The following FHL5 variants were observed in gnomAD, a reference collection of about 807,000 sequenced individuals.
The protein encoded by FHL5 is four and a half LIM domains 5.
FHL5 carries 33 observed loss-of-function variants against 32.0 expected under a neutral mutation model. The observed-to-expected ratio is 1.03, with a 90% CI of 0.78 to 1.38. The LOEUF is 1.38. Ranked by LOEUF, FHL5 falls within the 40% of genes most tolerant of loss-of-function variation. The probability of loss-of-function intolerance (pLI) is 0.00; values close to 1 mark genes in which losing one functional copy is unlikely to be tolerated. For synonymous variants in FHL5, 114 were observed against 113.6 expected (o/e 1.00, Z -0.02); for missense variants, 336 against 343.9 (o/e 0.98, Z 0.18).
In FHL5 at chr6:96,606,011, C is replaced by CAATT; in HGVS notation, c.446_449dup (p.Tyr150Ter). ...AGCCTTTGATCTCCAAAGAGAGTGG[C>CAATT]AATTATTGTGTGCCATGTTTTGAGA... is the stretch of plus-strand genomic sequence containing the variant. On this transcript the variant is annotated frameshift_variant, in exon 4 of 6. Coordinates refer to ENST00000450218, the MANE Select transcript of FHL5 (RefSeq NM_001322466.2). LOFTEE classifies it high-confidence loss of function. 2 of 1,614,012 alleles carry CAATT rather than the reference C, an allele frequency of 1.2e-6. No homozygotes were observed. Among genetic ancestry groups the CAATT allele is most frequent in the Non-Finnish European group, 1.7e-6 (2 of 1,179,960 alleles).
At chr6:96,608,366 C>G (rs1370646933) in intron 4 of FHL5, among the ~76,000 whole-genome samples, 2 of 151,946 alleles carry the variant, frequency 1.3e-5, no homozygotes, top group East Asian at 3.9e-4. Flanking sequence ...TTATGACATG[C>G]CAGATTATTT....
At chr6:96,612,955 C>G (rs1230623353) in intron 5 of FHL5, among the ~76,000 whole-genome samples, 1 of 152,080 alleles carries the variant, frequency 6.6e-6, no homozygotes, top group East Asian at 1.9e-4. Flanking sequence ...ATTATTATGT[C>G]ACTTTAAAAG....
intron 1 of FHL5, among the ~76,000 whole-genome samples, chr6:96,563,952 T>G (rs1203773990): frequency 1.3e-5 from 2 of 152,174 alleles, no homozygotes; most frequent in Non-Finnish European, 2.9e-5. Context: ...AAATATATAA[T>G]AGACTATATC....
intron 1 of FHL5, among the ~76,000 whole-genome samples, chr6:96,583,459 T>C (rs755740592): frequency 2.0e-5 from 3 of 152,110 alleles, no homozygotes; most frequent in Non-Finnish European, 4.4e-5. Context: ...GTTAACATCA[T>C]AGATATCAAT....
At chr6:96,563,104 T>C (rs1219937685), upstream of FHL5, 2 of 152,152 alleles carry the variant, frequency 1.3e-5, no homozygotes, top group Non-Finnish European at 2.9e-5. Flanking sequence ...AAGTAAAAAT[T>C]GACAAATAGT....
chr6:96,615,591 T>C lies in FHL5; in HGVS notation c.692-18T>C. 3 of 1,582,226 alleles carry C rather than the reference T, an allele frequency of 1.9e-6. No individual in the cohort carries two copies. Among genetic ancestry groups the C allele is most frequent in the Non-Finnish European group, 2.6e-6 (3 of 1,163,298 alleles). On this transcript the variant is annotated intron_variant, in intron 5 of 5. Coordinates refer to ENST00000450218, the MANE Select transcript of FHL5 (RefSeq NM_001322466.2). ...CCTTGAAAGGATAGATTAATCTTTTTCTCCAATTCCTTTACAGGTCTCACA... is the reference window on the plus strand; with the variant it reads ...CCTTGAAAGGATAGATTAATCTTTTCCTCCAATTCCTTTACAGGTCTCACA...
chr6:96,591,462 A>G (rs548667249), intron 1 of FHL5, among the ~76,000 whole-genome samples: 38 of 152,228 alleles, frequency 2.5e-4, no homozygotes, highest in African/African-American at 8.9e-4. Flanking sequence ...CTTTTGCCCA[A>G]AGAACACTGT....
intron 1 of FHL5, among the ~76,000 whole-genome samples, chr6:96,603,326 T>A (rs951685931): frequency 6.6e-6 from 1 of 152,186 alleles, no homozygotes; most frequent in African/African-American, 2.4e-5. Context: ...CATTAGCTTA[T>A]GATAAACACA....
intron 1 of FHL5, among the ~76,000 whole-genome samples, chr6:96,576,785 G>A (rs1330430524): frequency 6.6e-6 from 1 of 152,208 alleles, no homozygotes; most frequent in Non-Finnish European, 1.5e-5. Context: ...GGACAAGAAA[G>A]GTCTCTGCTC....
chr6:96,597,883 T>C (rs993114050), intron 1 of FHL5, among the ~76,000 whole-genome samples: 5 of 152,192 alleles, frequency 3.3e-5, no homozygotes, highest in African/African-American at 4.8e-5. Context: ...AGCATTTTTA[T>C]CAGCCAAGTG....
chr6:96,592,574 TA>T (rs1247432665), intron 1 of FHL5, among the ~76,000 whole-genome samples: 1 of 152,092 alleles, frequency 6.6e-6, no homozygotes. Context: ...ATTAAGAGAT[TA>T]AAGTGAAAAC....
chr6:96,602,503 G>A (rs1480182504), intron 1 of FHL5, among the ~76,000 whole-genome samples: 1 of 121,434 alleles, frequency 8.2e-6, no homozygotes, highest in Non-Finnish European at 1.6e-5. Context: ...CTGGAGTGCA[G>A]TGGCACAATC....
chr6:96,591,649 G>A (rs1208780102), intron 1 of FHL5, among the ~76,000 whole-genome samples: 1 of 151,438 alleles, frequency 6.6e-6, no homozygotes, highest in African/African-American at 2.4e-5. Context: ...TTTTTTTTCT[G>A]TTGAGAAGTA....
At chr6:96,608,771 A>C (rs1257680272) in intron 4 of FHL5, among the ~76,000 whole-genome samples, 1 of 152,204 alleles carries the variant, frequency 6.6e-6, no homozygotes, top group African/African-American at 2.4e-5. Flanking sequence ...GTGAAAACCA[A>C]GCTTAGATAT....
intron 4 of FHL5, among the ~76,000 whole-genome samples, chr6:96,607,854 T>TGGTG (rs1441941011): frequency 2.0e-5 from 3 of 151,600 alleles, no homozygotes; most frequent in African/African-American, 7.3e-5. Flanking sequence ...TAGCCAAGTA[T>TGGTG]GGTGACACGT....
At chr6:96,586,879 T>C (rs1401853614) in intron 1 of FHL5, among the ~76,000 whole-genome samples, 3 of 152,170 alleles carry the variant, frequency 2.0e-5, no homozygotes, top group Non-Finnish European at 4.4e-5. Flanking sequence ...GAGCTTTCAA[T>C]GGAAATTTTA....
intron 1 of FHL5, among the ~76,000 whole-genome samples, chr6:96,576,131 C>A (rs1405091272): frequency 1.3e-5 from 2 of 152,166 alleles, no homozygotes; most frequent in African/African-American, 2.4e-5. Context: ...TTTATTCAAC[C>A]TTCAAGGCAC....
chr6:96,564,993 A>G (rs541007759), intron 1 of FHL5, among the ~76,000 whole-genome samples: 36 of 152,254 alleles, frequency 2.4e-4, no homozygotes, highest in African/African-American at 8.4e-4. Flanking sequence ...ACGGTGGCTC[A>G]CTTCTGTAAT....
chr6:96,592,880 T>G (rs1275472256), intron 1 of FHL5, among the ~76,000 whole-genome samples: 2 of 152,168 alleles, frequency 1.3e-5, no homozygotes, highest in Non-Finnish European at 2.9e-5. Context: ...AGTGTGTTTT[T>G]CAGGTCAGTT....
Sources: gnomAD v4.1 joint callset for allele counts (sites outside exome capture counted in the v4.1 genomes callset) on GRCh38, gnomAD v4.1.1 for gene constraint, MANE v1.5 for transcripts, NCBI Gene and HGNC (gene_info 2026-07-23, HGNC 2026-07-21) for gene names.